GPHN: variants seen among roughly 807,000 people sequenced by gnomAD.
GPHN encodes gephyrin.
In GPHN, 17 loss-of-function variants were observed where a neutral mutation model predicts 95.5. The observed-to-expected ratio is 0.18, with a 90% CI of 0.12 to 0.27. GPHN has a LOEUF of 0.27. GPHN is among the 10% of genes least tolerant of loss of function. The pLI is 1.00. For missense variants in GPHN, 660 were observed against 978.1 expected (o/e 0.67, Z 4.34); for synonymous variants, 320 against 322.5 (o/e 0.99, Z 0.08).
At chr14:67,708,327 T>C in the GPHN span, among the ~76,000 whole-genome samples, 1 of 152,208 alleles carries the variant, frequency 6.6e-6, no homozygotes, top group Non-Finnish European at 1.5e-5. Flanking sequence ...TTGATATTCG[T>C]GAACACTTCA....
chr14:67,133,482 C>T lies in GPHN; in HGVS notation c.1749-9880C>T, dbSNP rs112508025. Among the ~76,000 whole-genome samples the T allele has an allele frequency of 1.5e-3, 224 of 152,226 alleles. 1 individual carries two copies. The highest frequency in any genetic ancestry group is 5.3e-3 in the African/African-American group (222 of 41,546). On this transcript the variant is annotated intron_variant, in intron 17 of 22. Transcript: ENST00000478722. ...ATTCAAAACCAAGACAGAGCCTTTA[C>T]CATTTATCTTCATGATAAAGCAAAA...
chr14:67,254,873 G>T, the GPHN span, among the ~76,000 whole-genome samples: 1 of 152,122 alleles, frequency 6.6e-6, no homozygotes, highest in Non-Finnish European at 1.5e-5. Flanking sequence ...ATCTCTGGCC[G>T]GGCGCAGTGG....
intron 10 of GPHN, among the ~76,000 whole-genome samples, chr14:67,058,181 T>C (rs2075681119): frequency 6.6e-6 from 1 of 152,204 alleles, no homozygotes; most frequent in Admixed American, 6.5e-5. Flanking sequence ...ATAAATAAGT[T>C]TATATTTCAA....
At chr14:67,273,755 C>T in the GPHN span, among the ~76,000 whole-genome samples, 1 of 152,184 alleles carries the variant, frequency 6.6e-6, no homozygotes, top group Non-Finnish European at 1.5e-5. Context: ...TAAAAGTGTT[C>T]CTGTTTCTCC....
intron 1 of GPHN, among the ~76,000 whole-genome samples, chr14:66,565,426 G>A (rs1003215623): frequency 5.3e-5 from 8 of 151,948 alleles, no homozygotes; most frequent in South Asian, 2.1e-4. Context: ...AGCCTCCCGA[G>A]TAGCCAGGAC....
At chr14:67,470,055 T>C in the GPHN span, among the ~76,000 whole-genome samples, 6 of 151,950 alleles carry the variant, frequency 3.9e-5, no homozygotes, top group African/African-American at 1.5e-4. Flanking sequence ...AGAATTGGGG[T>C]CAGGGTGTGA....
chr14:66,647,478 C>T (rs1355152093), intron 1 of GPHN, among the ~76,000 whole-genome samples: 1 of 151,284 alleles, frequency 6.6e-6, no homozygotes, highest in Non-Finnish European at 1.5e-5. Flanking sequence ...ATACAGTAGT[C>T]CCTCCTTTTC....
chr14:67,468,307 C>T, the GPHN span, among the ~76,000 whole-genome samples: 1 of 152,194 alleles, frequency 6.6e-6, no homozygotes, highest in Non-Finnish European at 1.5e-5. Context: ...GCTCCTCTAA[C>T]CTGCTGTATG....
chr14:66,560,226 C>CT (rs1484952717), intron 1 of GPHN, among the ~76,000 whole-genome samples: 8 of 152,008 alleles, frequency 5.3e-5, no homozygotes, highest in African/African-American at 1.7e-4. Flanking sequence ...AATGCGGGCT[C>CT]TTTTTTGGTT....
intron 2 of GPHN, among the ~76,000 whole-genome samples, chr14:66,719,432 G>A (rs967865417): frequency 2.0e-5 from 3 of 152,112 alleles, no homozygotes; most frequent in African/African-American, 7.2e-5. Context: ...GTGTGTTCGG[G>A]GGCTGAGAAT....
At chr14:66,740,323 G>C (rs1303745716) in intron 2 of GPHN, among the ~76,000 whole-genome samples, 1 of 152,072 alleles carries the variant, frequency 6.6e-6, no homozygotes, top group Admixed American at 6.5e-5. Context: ...AATACTTAAC[G>C]TCATGAGGGA....
rs139321926 is a variant in GPHN at position 66,980,820 on chromosome 14, G to A, written c.963+15495G>A. ...AATCTCAGCACTTTGGGAGGCCAAG[G>A]CAGGAGTATCACCTGAGGTCGGGAG... On this transcript the variant is annotated intron_variant, in intron 9 of 22. Coordinates refer to ENST00000478722, the MANE Select transcript of GPHN (RefSeq NM_020806.5). Among the ~76,000 whole-genome samples the A allele has an allele frequency of 7.2e-4, 109 of 152,322 alleles. No homozygotes were observed. The East Asian group carries it at 0.019, about 26-fold the overall frequency.
intron 1 of GPHN, among the ~76,000 whole-genome samples, chr14:66,565,619 C>G (rs558765443): frequency 3.3e-5 from 5 of 152,132 alleles, no homozygotes; most frequent in Admixed American, 2.6e-4. Flanking sequence ...AATTTGATTA[C>G]AAATTTACTG....
At chr14:66,546,144 A>G (rs1351045080) in intron 1 of GPHN, among the ~76,000 whole-genome samples, 2 of 151,268 alleles carry the variant, frequency 1.3e-5, no homozygotes, top group African/African-American at 4.9e-5. Context: ...GCGGCCAGGC[A>G]GAGACGCTCC....
At position 67,168,930 on chromosome 14, in the gene GPHN, C is replaced by T. The variant is rs374685366; in HGVS notation, c.1976-3C>T. The T allele has an allele frequency of 2.4e-5, 38 of 1,590,912 alleles. No individual in the cohort carries two copies. The highest frequency in any genetic ancestry group is 2.8e-5 in the Non-Finnish European group (32 of 1,158,868). On this transcript the variant is annotated splice_polypyrimidine_tract_variant and splice_region_variant and intron_variant, in intron 20 of 22. Coordinates refer to ENST00000478722, the MANE Select transcript of GPHN (RefSeq NM_020806.5). ...TATAAATAACTGCTTGGTTGACTTTCAGGGAATCCTGTATCGGCTGTGGTC... is the reference window on the plus strand; with the variant it reads ...TATAAATAACTGCTTGGTTGACTTTTAGGGAATCCTGTATCGGCTGTGGTC...
At chr14:67,199,727 C>A in the GPHN span, 1 of 1,576,144 alleles carries the variant, frequency 6.3e-7, no homozygotes, top group Non-Finnish European at 8.7e-7. Flanking sequence ...TGCCCCCAAT[C>A]CTGTGGTATC....
the GPHN span, among the ~76,000 whole-genome samples, chr14:67,285,968 T>C: frequency 1.3e-5 from 2 of 152,186 alleles, no homozygotes; most frequent in Non-Finnish European, 2.9e-5. Flanking sequence ...TATTCTCTCT[T>C]TTAAATAATC....
the GPHN span, among the ~76,000 whole-genome samples, chr14:67,428,197 G>T: frequency 9.9e-5 from 15 of 152,198 alleles, no homozygotes; most frequent in Admixed American, 2.0e-4. Flanking sequence ...GGAATTACAG[G>T]CATGAGCCAC....
the GPHN span, among the ~76,000 whole-genome samples, chr14:67,366,108 G>T: frequency 1.0e-4 from 15 of 150,614 alleles, no homozygotes; most frequent in Non-Finnish European, 1.3e-4. Context: ...TAAGAATTGG[G>T]GTCTTGCTCT....
Sources: allele counts gnomAD v4.1 joint callset (sites outside exome capture counted in the v4.1 genomes callset), GRCh38; gene constraint gnomAD v4.1.1; transcripts MANE v1.5; gene names NCBI Gene and HGNC (gene_info 2026-07-23, HGNC 2026-07-21).